Variants in ARMCX4 observed in about 807,000 individuals in gnomAD.
ARMCX4 encodes the protein armadillo repeat containing X-linked 4.
In ARMCX4, 3 loss-of-function variants were observed where a neutral mutation model predicts 34.7. That is an observed-to-expected ratio of 0.09 (90% CI 0.04 to 0.22). The LOEUF (loss-of-function observed/expected upper bound fraction) is 0.22, where lower values mean the gene tolerates loss of function less well. Ranked by LOEUF, ARMCX4 falls within the 10% of genes least tolerant of loss-of-function variation. The pLI is 1.00. For synonymous variants in ARMCX4, 513 were observed against 632.8 expected, an observed-to-expected ratio of 0.81 and a Z score of 2.84; for missense variants, 1,448 against 1,720.8, an observed-to-expected ratio of 0.84 and a Z score of 2.81.
In ARMCX4 at chrX:101,495,334, A is replaced by G. The variant is rs782498253; in HGVS notation, c.6745A>G (p.Ser2249Gly). ...AAAAGCATTTACCCAGGACAAATTC[A>G]GTAAAAATTCCCTTTATTTCCTATT... ...RAKAFTQDKF[S>G]KNSLYFLFQR... The change falls in exon 6 of 6, where the codon AGT becomes GGT. Residue 2249 changes from serine to glycine, a missense_variant. This residue lies in a region of ARMCX4 where 105 missense variants were observed against 180.2 expected (regional missense o/e 0.58). Coordinates refer to ENST00000423738, the MANE Select transcript of ARMCX4 (RefSeq NM_001256155.3). 1.0e-4 allele frequency: 116 copies of G among 1,151,813 alleles called. No homozygotes were observed. The highest frequency in any genetic ancestry group is 1.2e-4 in the Non-Finnish European group (107 of 870,632). The allele number at this position is 1,151,813 out of a possible 1,213,427, so 94.9% of individuals were successfully genotyped here.
At position 101,427,600 on chromosome X, in the gene ARMCX4, C is replaced by T. The variant is rs191655778; in HGVS notation, n.164+8600C>T. Among the ~76,000 whole-genome samples, 16 of 111,063 alleles carry T rather than the reference C, an allele frequency of 1.4e-4. No individual in the cohort carries two copies. The East Asian group carries it at 2.6e-3, about 18-fold the overall frequency. On this transcript the variant is annotated intron_variant and non_coding_transcript_variant, in intron 2 of 3. Coordinates refer to the ARMCX4 transcript ENST00000430461. The stretch of plus-strand genomic sequence containing the variant: ...TACACCATGTTGGCCAGGCTGGTCT[C>T]GAACTCCTGATCACAGGTGATCCGC...
chrX:101,517,550 C>G (rs781869864), intron 11 of ARMCX4, among the ~76,000 whole-genome samples: 11 of 111,343 alleles, frequency 9.9e-5, no homozygotes, highest in Non-Finnish European at 1.1e-4. Context: ...GCTGGGACTG[C>G]AAGGGTGAGC....
chrX:101,513,494 G>C (rs1445112833), intron 11 of ARMCX4, among the ~76,000 whole-genome samples: 1 of 111,896 alleles, frequency 8.9e-6, no homozygotes, highest in Non-Finnish European at 1.9e-5. Flanking sequence ...TAACTTAAAT[G>C]CTATGATGTA....
At chrX:101,442,214 A>G (rs1221331824) in intron 2 of ARMCX4, among the ~76,000 whole-genome samples, 1 of 112,445 alleles carries the variant, frequency 8.9e-6, no homozygotes, top group Non-Finnish European at 1.9e-5. Flanking sequence ...GTCAGCAAAA[A>G]AATGAAGAAT....
intron 11 of ARMCX4, among the ~76,000 whole-genome samples, chrX:101,525,653 C>T (rs1934952436): frequency 9.0e-6 from 1 of 111,101 alleles, no homozygotes; most frequent in Admixed American, 9.6e-5. Flanking sequence ...AAAACCATGT[C>T]ACAAGAACTA....
At position 101,510,767 on chromosome X, in the gene ARMCX4, AT is replaced by A. The variant is rs1458016631; in HGVS notation, c.*1750-254del. ...TGTACCTTTAAATATCTTTACTGTA[AT>A]TTTAATGGGATTTTTAGGAAGAAAT... On this transcript the variant is annotated intron_variant and NMD_transcript_variant, in intron 10 of 12. Transcript: ENST00000354842. Among the ~76,000 whole-genome samples, 7 of 111,061 alleles carry A rather than the reference AT, an allele frequency of 6.3e-5. No homozygotes were observed. The South Asian group carries it at 1.9e-3, about 30-fold the overall frequency.
intron 2 of ARMCX4, among the ~76,000 whole-genome samples, chrX:101,442,805 T>A (rs1198549348): frequency 1.8e-5 from 2 of 111,083 alleles, no homozygotes; most frequent in Non-Finnish European, 3.8e-5. Context: ...ATGGTTTGGA[T>A]GATGGTGACC....
rs375639278 is a variant in ARMCX4 at position 101,473,070 on chromosome X, G to A, written c.-472-12953G>A. ...GCTGTATTCAGGAAACCCATCTCAC[G>A]TGCAGAGACACACATAGGCTCAAAA... On this transcript the variant is annotated intron_variant and NMD_transcript_variant, in intron 4 of 15. Transcript: ENST00000433011. 2.8e-4 allele frequency among the ~76,000 whole-genome samples: 31 copies of A among 111,121 alleles called. No individual in the cohort carries two copies. In the East Asian group the frequency reaches 5.1e-3, roughly 18 times the overall value.
rs1933895482 is a variant in ARMCX4 at position 101,489,799 on chromosome X, G to A, written c.1210G>A (p.Ala404Thr). ...ADMRAAAQPQ[A>T]VASTHAEAMS... ...CATGAGAGCTGCTGCTCAGCCTCAAGCTGTTGCCAGTACTCACGCTGAGGC... is the reference window on the plus strand; with the variant it reads ...CATGAGAGCTGCTGCTCAGCCTCAAACTGTTGCCAGTACTCACGCTGAGGC... Residue 404 changes from alanine to threonine, a missense_variant, in exon 6 of 6, where the codon GCT becomes ACT. Ala to Thr is a moderately conservative substitution (Grantham distance 58). Transcript: ENST00000423738. The A allele has an allele frequency of 2.6e-6, 3 of 1,155,911 alleles. No individual in the cohort carries two copies. Among genetic ancestry groups the A allele is most frequent in the Non-Finnish European group, 3.4e-6 (3 of 872,830 alleles).
downstream of ARMCX4, chrX:101,499,340 G>A (rs782017136): frequency 6.3e-5 from 7 of 111,514 alleles, no homozygotes; most frequent in Admixed American, 9.5e-5. Flanking sequence ...AGAAGATGGC[G>A]GGAAAAGGGA....
At chrX:101,518,660 G>A (rs1339349580) in intron 11 of ARMCX4, among the ~76,000 whole-genome samples, 1 of 110,919 alleles carries the variant, frequency 9.0e-6, no homozygotes, top group Non-Finnish European at 1.9e-5. Flanking sequence ...GGACTAAATA[G>A]CCAACAATAT....
intron 11 of ARMCX4, among the ~76,000 whole-genome samples, chrX:101,528,279 A>G (rs1388682041): frequency 8.9e-6 from 1 of 112,234 alleles, no homozygotes; most frequent in Admixed American, 9.5e-5. Flanking sequence ...GATAAAATTC[A>G]ACAGTGTTTC....
chrX:101,491,373 C>A lies in ARMCX4; in HGVS notation c.2784C>A (p.Val928=), dbSNP rs1556009063. 8.6e-7 allele frequency: 1 copy of A among 1,156,510 alleles called. No individual in the cohort carries two copies. The change falls in exon 6 of 6, where the codon GTC becomes GTA. Residue 928 remains valine (V), a synonymous_variant. Coordinates refer to ENST00000423738, the MANE Select transcript of ARMCX4 (RefSeq NM_001256155.3). ...RETLPGARNK[V]KGNSNAISKA... ...CCTTGCCTGGTGCCAGGAATAAGGT[C>A]AAGGGCAATTCCAATGCTATTTCTA...
At chrX:101,443,991 A>G (rs956040750) in intron 2 of ARMCX4, 5 of 380,913 alleles carry the variant, frequency 1.3e-5, no homozygotes, top group South Asian at 2.6e-5. Flanking sequence ...ACCCTGACAC[A>G]TAAACTCTGG....
rs781895299 is a variant in ARMCX4, at chrX:101,493,460, C to A, written c.4871C>A (p.Pro1624Gln). The A allele has an allele frequency of 1.3e-4, 145 of 1,148,549 alleles. No individual in the cohort carries two copies. The highest frequency in any genetic ancestry group is 3.0e-5 in the Non-Finnish European group (26 of 870,428). The allele number at this position is 1,148,549 out of a possible 1,213,427, so 94.7% of individuals were successfully genotyped here. A position where few individuals can be genotyped will look rare whatever the true frequency, so the allele number is the denominator to read the frequency against. ...AGGQVLGGAR[P>Q]GPADQSSGGS... ...GGCCAGGTCCTTGGGGGAGCTAGGC[C>A]GGGGCCTGCAGACCAGTCCAGTGGT... The change falls in exon 6 of 6, where the codon CCG (proline) becomes CAG (glutamine). Residue 1624 changes from proline to glutamine, a missense_variant. Coordinates refer to ENST00000423738, the MANE Select transcript of ARMCX4 (RefSeq NM_001256155.3).
chrX:101,460,838 G>A (rs982035436), intron 4 of ARMCX4, among the ~76,000 whole-genome samples: 1 of 111,295 alleles, frequency 9.0e-6, no homozygotes, highest in Non-Finnish European at 1.9e-5. Context: ...CCTCTAAGAC[G>A]GTGATCTCAA....
At chrX:101,479,162 T>C (rs1486875432) in intron 4 of ARMCX4, among the ~76,000 whole-genome samples, 1 of 110,827 alleles carries the variant, frequency 9.0e-6, no homozygotes, top group African/African-American at 3.3e-5. Flanking sequence ...CATGCATCAT[T>C]TTTATAAAAA....
chrX:101,521,351 C>T (rs782386845), intron 11 of ARMCX4, among the ~76,000 whole-genome samples: 24 of 111,484 alleles, frequency 2.2e-4, no homozygotes, highest in African/African-American at 5.2e-4. Flanking sequence ...TGTTGGCATA[C>T]GATTTTTCAT....
intron 2 of ARMCX4, among the ~76,000 whole-genome samples, chrX:101,432,925 T>A (rs1411199653): frequency 1.4e-4 from 12 of 86,339 alleles, no homozygotes; most frequent in African/African-American, 4.7e-4. Context: ...TATACATACG[T>A]ATATATATAC....
Sources: allele counts gnomAD v4.1 joint callset (sites outside exome capture counted in the v4.1 genomes callset), GRCh38; gene constraint gnomAD v4.1.1; regional missense constraint gnomAD v4.1.1; transcripts MANE v1.5; gene names NCBI Gene and HGNC (gene_info 2026-07-23, HGNC 2026-07-21).